CDH3: variants seen among roughly 807,000 people sequenced by gnomAD.
The protein encoded by CDH3 is cadherin 3.
A neutral mutation model predicts 82.0 loss-of-function variants in CDH3; 54 were observed. The observed-to-expected ratio is 0.66, with a 90% confidence interval of 0.53 to 0.83. The LOEUF is 0.83. Among genes scored for constraint, CDH3 ranks in the 40% least tolerant of loss-of-function variants. The probability of loss-of-function intolerance (pLI) is 0.00; values close to 1 mark genes in which losing one functional copy is unlikely to be tolerated. For missense variants in CDH3, 1,054 were observed against 1,084.6 expected, an observed-to-expected ratio of 0.97 and a Z score of 0.40; for synonymous variants, 446 against 437.9, an observed-to-expected ratio of 1.02 and a Z score of -0.23.
chr16:68,691,905 G>A lies in CDH3; in HGVS notation c.1981G>A (p.Gly661Arg). 1 of 1,613,432 alleles carries A rather than the reference G, an allele frequency of 6.2e-7. No individual in the cohort carries two copies. The highest frequency in any genetic ancestry group is 8.5e-7 in the Non-Finnish European group (1 of 1,179,892). Residue 661 changes from glycine (G) to arginine (R), a missense_variant, in exon 13 of 16, where the codon GGG (glycine) becomes AGG (arginine). Coordinates refer to ENST00000264012, the MANE Select transcript of CDH3 (RefSeq NM_001793.6). ...WKGGFILPVLGAVLALLFLLL... is the reference protein window; with the variant it reads ...WKGGFILPVLRAVLALLFLLL... ...GGGAGGTTTCATCCTCCCTGTGCTG[G>A]GGGCTGTCCTGGCTCTGCTGTGTGA...
At chr16:68,703,386 A>G (rs1255439428), downstream of CDH3, among the ~76,000 whole-genome samples, 17 of 152,218 alleles carry the variant, frequency 1.1e-4, no homozygotes, top group Admixed American at 1.1e-3. Context: ...CACTCAGGAA[A>G]GGGCCCTGAG....
In CDH3 at chr16:68,685,073, C is replaced by T. The variant is rs149648009; in HGVS notation, c.1425-132C>T. ...GCTGCTTTAGGTCCCCGTTTATGGG[C>T]GAGGTGCATTTTCCATATGATCCTG... On this transcript the variant is annotated intron_variant, in intron 10 of 15. Transcript: ENST00000264012. 8.3e-5 allele frequency: 98 copies of T among 1,175,786 alleles called. No homozygotes were observed. The East Asian group carries it at 2.2e-3, about 27-fold the overall frequency. 72.8% of individuals were successfully genotyped at this position (1,175,786 alleles called of 1,614,324 possible).
chr16:68,675,985 A>T (rs181541756), intron 2 of CDH3, among the ~76,000 whole-genome samples: 136 of 152,242 alleles, frequency 8.9e-4, no homozygotes, highest in African/African-American at 2.9e-3. Flanking sequence ...TGTCCAGGTG[A>T]TCCTGTGGGC....
chr16:68,679,721 A>C, intron 6 of CDH3, 78 bp from the exon 7 acceptor site: 1 of 854,554 alleles, frequency 1.2e-6, no homozygotes. Context: ...AAAAAAAAGA[A>C]AAGAAAAAAA....
At chr16:68,695,706 G>A (rs1961699730) in intron 14 of CDH3, 71 bp from the exon 15 acceptor site, 1 of 1,543,652 alleles carries the variant, frequency 6.5e-7, no homozygotes, top group African/African-American at 1.4e-5. Context: ...GGGGTGTGGG[G>A]TGAGATGTAA....
At chr16:68,719,538 C>T (rs1396369659) in intron 1 of CDH3, among the ~76,000 whole-genome samples, 15 of 122,398 alleles carry the variant, frequency 1.2e-4, no homozygotes, top group African/African-American at 2.8e-4. Context: ...GAGGGAGTCT[C>T]GCTCTGTCAC....
At chr16:68,684,200 T>G (rs929403229) in intron 9 of CDH3, among the ~76,000 whole-genome samples, 1 of 152,088 alleles carries the variant, frequency 6.6e-6, no homozygotes, top group East Asian at 1.9e-4. Flanking sequence ...CCACTGCACT[T>G]GAGCCTGGGT....
At chr16:68,719,929 G>C (rs1962142976) in intron 1 of CDH3, among the ~76,000 whole-genome samples, 1 of 152,100 alleles carries the variant, frequency 6.6e-6, no homozygotes, top group Non-Finnish European at 1.5e-5. Flanking sequence ...TGAGGAGGGA[G>C]GATCCCTTGA....
chr16:68,731,340 C>G (rs1272285006), downstream of CDH3, among the ~76,000 whole-genome samples: 5 of 101,008 alleles, frequency 5.0e-5, no homozygotes, highest in Middle Eastern at 6.0e-3. Flanking sequence ...AGCACTCCAG[C>G]CTGGGCAACA....
chr16:68,651,145 G>C, intron 2 of CDH3: 1 of 464,738 alleles, frequency 2.2e-6, no homozygotes, highest in Non-Finnish European at 4.4e-6. Context: ...GCAGTAGTTG[G>C]AATTGTATAT....
intron 1 of CDH3, among the ~76,000 whole-genome samples, chr16:68,706,311 G>A: frequency 6.6e-6 from 1 of 151,776 alleles, no homozygotes; most frequent in African/African-American, 2.4e-5. Flanking sequence ...TCCCAGCCCA[G>A]GAGCAGCGGC....
chr16:68,727,201 C>G (rs1962228783), exon 3 of CDH3, among the ~76,000 whole-genome samples: 1 of 152,174 alleles, frequency 6.6e-6, no homozygotes, highest in Non-Finnish European at 1.5e-5. Flanking sequence ...TCCAGGGTCT[C>G]TCGCCTTTTG....
rs528375469 is a variant in CDH3 at position 68,655,739 on chromosome 16, G to A, written c.160+9989G>A. ...TAGCCTGGCATGGTGGCAAGCACCT[G>A]TAATCCCAGCTTACTCAGGAGGCTG... is the stretch of plus-strand genomic sequence containing the variant. On this transcript the variant is annotated intron_variant, in intron 2 of 15. Coordinates refer to ENST00000264012, the MANE Select transcript of CDH3 (RefSeq NM_001793.6). Among the ~76,000 whole-genome samples, 8 of 152,254 alleles carry A rather than the reference G, an allele frequency of 5.3e-5. No homozygotes were observed. The East Asian group carries it at 1.2e-3, about 22-fold the overall frequency.
At position 68,699,838 on chromosome 16, in the gene CDH3, C is replaced by G. The variant is rs1480480863; in HGVS notation, c.*1438C>G. ...CCAGTTGCCTCAGATTTTACATTTA[C>G]AAAATGGGGAGTTTTTGTGGAGATT... On this transcript the variant is annotated 3_prime_UTR_variant, in exon 16 of 16. Coordinates refer to ENST00000264012, the MANE Select transcript of CDH3 (RefSeq NM_001793.6). 2.6e-5 allele frequency: 4 copies of G among 152,172 alleles called. No homozygotes were observed. Among genetic ancestry groups the G allele is most frequent in the Non-Finnish European group, 5.9e-5 (4 of 68,032 alleles). 9.4% of individuals were successfully genotyped at this position (152,172 alleles called of 1,614,324 possible). A position where few individuals can be genotyped will look rare whatever the true frequency, so the allele number is the denominator to read the frequency against.
At chr16:68,720,590 A>T (rs1266264110) in intron 1 of CDH3, among the ~76,000 whole-genome samples, 1 of 151,304 alleles carries the variant, frequency 6.6e-6, no homozygotes, top group Admixed American at 6.7e-5. Flanking sequence ...GGGCAAGACA[A>T]TAGTGTTTTA....
At chr16:68,695,699 G>C in intron 14 of CDH3, 78 bp from the exon 15 acceptor site, 1 of 1,508,552 alleles carries the variant, frequency 6.6e-7, no homozygotes, top group Non-Finnish European at 9.2e-7. Flanking sequence ...AGGGTAGGGG[G>C]TGTGGGGTGA....
chr16:68,650,444 G>T (rs537849072), intron 2 of CDH3, among the ~76,000 whole-genome samples: 139 of 152,244 alleles, frequency 9.1e-4, no homozygotes, highest in African/African-American at 3.1e-3. Context: ...AACTGGTACA[G>T]GCATGCGCCA....
At chr16:68,684,542 T>G in intron 9 of CDH3, 41 bp from the exon 10 acceptor site, 1 of 1,613,718 alleles carries the variant, frequency 6.2e-7, no homozygotes, top group Non-Finnish European at 8.5e-7. Flanking sequence ...GGACCTCCTC[T>G]CAAAATGGTG....
In CDH3 at chr16:68,678,876, C is replaced by T. The variant is rs761941770; in HGVS notation, c.661C>T (p.Arg221Ter). 4 of 1,613,978 alleles carry T rather than the reference C, an allele frequency of 2.5e-6. No homozygotes were observed. The highest frequency in any genetic ancestry group is 1.7e-5 in the Admixed American group (1 of 60,008). The change falls in exon 6 of 16, where the codon CGA becomes TGA. Residue 221 changes from arginine to a stop codon, truncating the protein, a stop_gained. Coordinates refer to ENST00000264012, the MANE Select transcript of CDH3 (RefSeq NM_001793.6). LOFTEE classifies it high-confidence loss of function. The part of the protein sequence containing the change: ...HKPKFTQDTF[R>*]GSVLEGVLPG... ...GCCCAAGTTTACCCAGGACACCTTC[C>T]GAGGGAGTGTCTTAGAGGGAGTCCT...
Sources: gnomAD v4.1 joint callset for allele counts (sites outside exome capture counted in the v4.1 genomes callset) on GRCh38, gnomAD v4.1.1 for gene constraint, MANE v1.5 for transcripts, NCBI Gene and HGNC (gene_info 2026-07-23, HGNC 2026-07-21) for gene names.